DPP10: variants seen among roughly 807,000 people sequenced by gnomAD.
DPP10 encodes inactive dipeptidyl peptidase 10.
DPP10 carries 33 observed loss-of-function variants against 120.9 expected under a neutral mutation model. The observed-to-expected ratio is 0.27, with a 90% confidence interval of 0.21 to 0.37. The LOEUF is 0.37. Ranked by LOEUF, DPP10 falls within the 10% of genes least tolerant of loss-of-function variation. The probability of loss-of-function intolerance (pLI) is 1.00; values close to 1 mark genes in which losing one functional copy is unlikely to be tolerated. For synonymous variants in DPP10, 337 were observed against 326.1 expected, an observed-to-expected ratio of 1.03 and a Z score of -0.36; for missense variants, 816 against 942.8, an observed-to-expected ratio of 0.87 and a Z score of 1.76.
At chr2:115,711,141 G>GT (rs1383683516) in intron 7 of DPP10, among the ~76,000 whole-genome samples, 3 of 152,086 alleles carry the variant, frequency 2.0e-5, no homozygotes, top group Admixed American at 6.6e-5. Flanking sequence ...GTGAGTACAT[G>GT]TTTTTTCTTT....
Position 114,833,264 on chromosome 2 carries a change from C to G in DPP10, c.60+390426C>G, listed in dbSNP as rs556071153. ...GATGTAAGAGTTGTGATTATACAGCCAATATGAGTTAATTCTTTAAAAAAA... is the reference window on the plus strand; with the variant it reads ...GATGTAAGAGTTGTGATTATACAGCGAATATGAGTTAATTCTTTAAAAAAA... On this transcript the variant is annotated intron_variant, in intron 1 of 25. Transcript: ENST00000410059. The G allele has an allele frequency of 2.9e-5, 4 of 139,988 alleles. No individual in the cohort carries two copies. In the South Asian group the frequency reaches 9.6e-4, roughly 34 times the overall value. The allele number at this position is 139,988 out of a possible 1,614,324, so 8.7% of individuals were successfully genotyped here. A position where few individuals can be genotyped will look rare whatever the true frequency, so the allele number is the denominator to read the frequency against.
At chr2:115,408,660 C>T (rs544395518) in intron 3 of DPP10, among the ~76,000 whole-genome samples, 2 of 152,032 alleles carry the variant, frequency 1.3e-5, no homozygotes, top group South Asian at 4.1e-4. Flanking sequence ...GAATCAACAA[C>T]AAAATGAATA....
At chr2:115,811,036 T>G (rs1469472027) in intron 19 of DPP10, among the ~76,000 whole-genome samples, 6 of 152,242 alleles carry the variant, frequency 3.9e-5, no homozygotes, top group African/African-American at 1.4e-4. Flanking sequence ...AAGCACTCTT[T>G]GCTTAGCTTT....
chr2:115,824,645 A>G (rs910802975), intron 21 of DPP10, among the ~76,000 whole-genome samples: 1 of 152,184 alleles, frequency 6.6e-6, no homozygotes, highest in Non-Finnish European at 1.5e-5. Context: ...TGCCAAGAAC[A>G]TGATCTCATT....
At chr2:115,795,138 A>G (rs79816791) in intron 19 of DPP10, among the ~76,000 whole-genome samples, 2,083 of 152,294 alleles carry the variant, frequency 0.014, 49 homozygotes, top group African/African-American at 0.045. Context: ...AATCTAATAT[A>G]CTTAGATGCT....
chr2:114,846,991 A>G (rs1688594307), intron 1 of DPP10, among the ~76,000 whole-genome samples: 1 of 152,104 alleles, frequency 6.6e-6, no homozygotes, highest in Admixed American at 6.6e-5. Flanking sequence ...CCCAAACCCT[A>G]TTATGGTATG....
Position 115,766,562 on chromosome 2 carries a change from C to T in DPP10, c.1114-1735C>T, listed in dbSNP as rs191769695. 1.8e-3 allele frequency among the ~76,000 whole-genome samples: 268 copies of T among 151,836 alleles called. 1 individual carries two copies. Among genetic ancestry groups the T allele is most frequent in the African/African-American group, 5.5e-3 (229 of 41,404 alleles). ...ATACATACATTCATATACAAACAAACGCATACATACACAAATTATACGTTG... is the reference window on the plus strand; with the variant it reads ...ATACATACATTCATATACAAACAAATGCATACATACACAAATTATACGTTG... On this transcript the variant is annotated intron_variant, in intron 12 of 25. Transcript: ENST00000410059.
chr2:115,820,835 G>GTGTGTGTA (rs1316814709), intron 21 of DPP10, among the ~76,000 whole-genome samples: 1 of 149,034 alleles, frequency 6.7e-6, no homozygotes, highest in Non-Finnish European at 1.5e-5. Context: ...GTGTGTGTGT[G>GTGTGTGTA]TATCTCACAA....
At chr2:115,121,694 C>G (rs2049832217) in intron 1 of DPP10, among the ~76,000 whole-genome samples, 1 of 152,172 alleles carries the variant, frequency 6.6e-6, no homozygotes, top group Non-Finnish European at 1.5e-5. Context: ...AGTGTCCTTA[C>G]AGCAACCTGG....
intron 1 of DPP10, among the ~76,000 whole-genome samples, chr2:114,723,642 C>G (rs1701851711): frequency 1.3e-5 from 2 of 152,128 alleles, no homozygotes; most frequent in African/African-American, 4.8e-5. Context: ...ATGATCAGGT[C>G]CTTATTGAGC....
rs771092596 is a variant in DPP10 at position 115,711,914 on chromosome 2, TGG to T, written c.577-15901_577-15900del. ...AGAATATTGGACCTATAAAATGGTC[TGG>T]TTTTTTTTTTTTTTTTTTTTTTGGA... On this transcript the variant is annotated intron_variant, in intron 7 of 25. Coordinates refer to ENST00000410059, the MANE Select transcript of DPP10 (RefSeq NM_020868.6). Among the ~76,000 whole-genome samples, 61 of 52,998 alleles carry T rather than the reference TGG, an allele frequency of 1.2e-3. 1 individual carries two copies. The highest frequency in any genetic ancestry group is 0.024 in the Middle Eastern group (1 of 42). The allele number at this position is 52,998 out of a possible 152,430, so 34.8% of individuals were successfully genotyped here.
chr2:115,568,489 T>G (rs182073959), intron 5 of DPP10, among the ~76,000 whole-genome samples: 28 of 151,288 alleles, frequency 1.9e-4, no homozygotes, highest in Admixed American at 8.6e-4. Context: ...CTAAAAAAAA[T>G]AAAGAAAGAA....
intron 3 of DPP10, among the ~76,000 whole-genome samples, chr2:115,492,453 G>A (rs535224286): frequency 6.6e-6 from 1 of 152,220 alleles, no homozygotes; most frequent in East Asian, 1.9e-4. Flanking sequence ...ATTGAGGGAT[G>A]TGAGTGCTTT....
intron 1 of DPP10, among the ~76,000 whole-genome samples, chr2:115,294,438 T>C (rs1435718950): frequency 6.6e-6 from 1 of 152,112 alleles, no homozygotes; most frequent in Non-Finnish European, 1.5e-5. Context: ...GTTTTTGTTT[T>C]TTTTTGGATT....
intron 1 of DPP10, among the ~76,000 whole-genome samples, chr2:114,497,273 A>ATGTATACGTGTATACATGTACG (rs1558813884): frequency 1.0e-5 from 1 of 99,078 alleles, no homozygotes; most frequent in African/African-American, 3.9e-5. Flanking sequence ...ATACATGTAC[A>ATGTATACGTGTATACATGTACG]TGTATACGTG....
intron 1 of DPP10, among the ~76,000 whole-genome samples, chr2:115,163,255 A>G (rs2052572807): frequency 1.3e-5 from 2 of 152,204 alleles, no homozygotes; most frequent in Admixed American, 1.3e-4. Flanking sequence ...GTGGCGAGAC[A>G]CAGGAGGCCA....
At chr2:114,688,024 T>C (rs1313560997) in intron 1 of DPP10, among the ~76,000 whole-genome samples, 1 of 152,040 alleles carries the variant, frequency 6.6e-6, no homozygotes, top group Non-Finnish European at 1.5e-5. Context: ...TTTAGCACTT[T>C]GTCACTCAAT....
chr2:115,042,663 G>A (rs1044831664), intron 1 of DPP10, among the ~76,000 whole-genome samples: 27 of 152,204 alleles, frequency 1.8e-4, no homozygotes, highest in Admixed American at 1.3e-3. Flanking sequence ...AGATCAGGAA[G>A]GCAAGAGATA....
chr2:115,537,406 G>T (rs1033830861), intron 5 of DPP10, among the ~76,000 whole-genome samples: 8 of 152,008 alleles, frequency 5.3e-5, no homozygotes, highest in African/African-American at 1.9e-4. Context: ...AGTAAAGTGA[G>T]TCCCTATATA....
Sources: allele counts gnomAD v4.1 joint callset (sites outside exome capture counted in the v4.1 genomes callset), GRCh38; gene constraint gnomAD v4.1.1; transcripts MANE v1.5; gene names NCBI Gene and HGNC (gene_info 2026-07-23, HGNC 2026-07-21).